Variants in ATXN7L1 observed in about 807,000 individuals in gnomAD.
The protein encoded by ATXN7L1 is ataxin-7-like protein 1.
In ATXN7L1, 15 loss-of-function variants were observed where a neutral mutation model predicts 70.8. That is an observed-to-expected ratio of 0.21 (90% CI 0.14 to 0.33). ATXN7L1 has a LOEUF of 0.33. Among genes scored for constraint, ATXN7L1 ranks in the 10% least tolerant of loss-of-function variants. The pLI is 1.00. For missense variants in ATXN7L1, 975 were observed against 1,097.1 expected (o/e 0.89, Z 1.57); for synonymous variants, 440 against 445.1 (o/e 0.99, Z 0.14).
At chr7:105,745,997 T>C (rs1798544056) in intron 3 of ATXN7L1, among the ~76,000 whole-genome samples, 1 of 152,242 alleles carries the variant, frequency 6.6e-6, no homozygotes, top group South Asian at 2.1e-4. Flanking sequence ...TGCTTTTCCC[T>C]GTCTCAGGTT....
At chr7:105,679,002 C>T (rs928414428) in intron 3 of ATXN7L1, 51 of 911,676 alleles carry the variant, frequency 5.6e-5, no homozygotes, top group Non-Finnish European at 6.4e-5. Flanking sequence ...TGACCTGCGC[C>T]CAGCCCCACG....
chr7:105,711,153 C>T (rs1482045306), intron 3 of ATXN7L1, among the ~76,000 whole-genome samples: 1 of 152,048 alleles, frequency 6.6e-6, no homozygotes, highest in African/African-American at 2.4e-5. Flanking sequence ...CAGAGCCAAA[C>T]CATTATCAAA....
At chr7:105,741,834 G>C (rs956620024) in intron 3 of ATXN7L1, among the ~76,000 whole-genome samples, 1 of 152,196 alleles carries the variant, frequency 6.6e-6, no homozygotes, top group African/African-American at 2.4e-5. Context: ...AGAGCACCTG[G>C]TGAAGATGAA....
At chr7:105,717,171 A>T (rs149697725) in intron 3 of ATXN7L1, among the ~76,000 whole-genome samples, 3 of 152,110 alleles carry the variant, frequency 2.0e-5, no homozygotes, top group East Asian at 3.9e-4. Flanking sequence ...TCTGTCGCCC[A>T]GGCTGGAGTG....
intron 2 of ATXN7L1, among the ~76,000 whole-genome samples, chr7:105,792,024 GA>G (rs931441189): frequency 3.9e-5 from 6 of 152,098 alleles, no homozygotes; most frequent in African/African-American, 1.4e-4. Context: ...GTGACCTGTC[GA>G]GGCCTGTCAG....
Sources: allele counts gnomAD v4.1 joint callset (sites outside exome capture counted in the v4.1 genomes callset), GRCh38; gene constraint gnomAD v4.1.1; transcripts MANE v1.5; gene names NCBI Gene and HGNC (gene_info 2026-07-23, HGNC 2026-07-21).